WDR27: variants seen among roughly 807,000 people sequenced by gnomAD.
The protein encoded by WDR27 is WD repeat domain 27.
Under a neutral mutation model 114.4 loss-of-function variants are expected in WDR27, and 100 were observed. The observed-to-expected ratio is 0.87, with a 90% confidence interval of 0.74 to 1.03. WDR27 has a LOEUF of 1.03. Among genes scored for constraint, WDR27 ranks in the 50% least tolerant of loss-of-function variants. The pLI is 0.00. For missense variants in WDR27, 1,129 were observed against 1,092.9 expected (o/e 1.03, Z -0.47); for synonymous variants, 449 against 423.1 (o/e 1.06, Z -0.75).
chr6:169,486,304 A>T (rs1277918857), intron 25 of WDR27, among the ~76,000 whole-genome samples: 3 of 152,040 alleles, frequency 2.0e-5, no homozygotes, highest in African/African-American at 7.2e-5. Flanking sequence ...CTTAAAAGAG[A>T]GCTACCATTT....
the WDR27 span, among the ~76,000 whole-genome samples, chr6:169,433,998 G>C: frequency 2.0e-5 from 3 of 152,186 alleles, no homozygotes; most frequent in Non-Finnish European, 4.4e-5. Flanking sequence ...CCCTTTGTCA[G>C]ATGGATAGAT....
intron 18 of WDR27, 135 bp downstream of exon 18, chr6:169,638,404 C>T: frequency 6.1e-6 from 6 of 977,558 alleles, no homozygotes; most frequent in Non-Finnish European, 5.5e-6. Flanking sequence ...TAATCAGTAA[C>T]TTTTATTGCA....
At chr6:169,456,795 G>C (rs556802125), downstream of WDR27, among the ~76,000 whole-genome samples, 1 of 150,778 alleles carries the variant, frequency 6.6e-6, no homozygotes, top group Admixed American at 6.6e-5. This position sits in a 1 kb window ranked among gnomAD's most constrained non-coding sequence, Gnocchi z 4.0. Flanking sequence ...TCACCACACA[G>C]AACCCATGTG....
chr6:169,490,169 C>A (rs1255758351), intron 25 of WDR27, among the ~76,000 whole-genome samples: 1 of 152,218 alleles, frequency 6.6e-6, no homozygotes, highest in African/African-American at 2.4e-5. Flanking sequence ...GGTGTCCTGG[C>A]AAGAACTAGA....
chr6:169,618,683 G>T (rs1584629179), intron 21 of WDR27, among the ~76,000 whole-genome samples: 1 of 150,430 alleles, frequency 6.6e-6, no homozygotes, highest in African/African-American at 2.4e-5. Flanking sequence ...GGCTGAGGTG[G>T]TTACTAAGCT....
At chr6:169,653,023 G>A (rs985295960) in intron 13 of WDR27, among the ~76,000 whole-genome samples, 22 of 152,186 alleles carry the variant, frequency 1.4e-4, no homozygotes, top group African/African-American at 5.3e-4. Flanking sequence ...TCTCCTTCAC[G>A]ACAGGTTGTG....
intron 24 of WDR27, among the ~76,000 whole-genome samples, chr6:169,574,815 A>C (rs1309406305): frequency 6.6e-6 from 1 of 152,212 alleles, no homozygotes; most frequent in East Asian, 1.9e-4. Flanking sequence ...AAGGAGAGCT[A>C]GAAGGCCAAT....
intron 25 of WDR27, among the ~76,000 whole-genome samples, chr6:169,510,809 A>G (rs953068146): frequency 1.3e-5 from 2 of 152,150 alleles, no homozygotes; most frequent in Non-Finnish European, 2.9e-5. Context: ...AAAAAAAGAC[A>G]AAGTTTTCTG....
intron 2 of WDR27, among the ~76,000 whole-genome samples, chr6:169,679,412 T>C (rs1158231165): frequency 6.6e-6 from 1 of 152,222 alleles, no homozygotes; most frequent in Non-Finnish European, 1.5e-5. Context: ...ACATAAAATG[T>C]AGGGGACCAG....
intron 25 of WDR27, among the ~76,000 whole-genome samples, chr6:169,471,433 A>T (rs756047074): frequency 2.6e-5 from 4 of 152,108 alleles, no homozygotes; most frequent in East Asian, 1.9e-4. Flanking sequence ...TTATTTTTTT[A>T]AATTAAAATG....
intron 17 of WDR27, among the ~76,000 whole-genome samples, chr6:169,639,747 C>T (rs116890460): frequency 6.6e-6 from 1 of 152,192 alleles, no homozygotes; most frequent in Non-Finnish European, 1.5e-5. Context: ...GGGGCCCAGA[C>T]CCTGAGCACG....
At chr6:169,696,842 A>T (rs979467137) in intron 1 of WDR27, among the ~76,000 whole-genome samples, 51 of 152,322 alleles carry the variant, frequency 3.3e-4, no homozygotes, top group African/African-American at 1.2e-3. Flanking sequence ...TGAACCCGGG[A>T]GGCGGAGGTT....
chr6:169,594,780 T>C (rs972305174), intron 23 of WDR27, among the ~76,000 whole-genome samples: 5 of 152,266 alleles, frequency 3.3e-5, no homozygotes, highest in East Asian at 1.9e-4. Flanking sequence ...TTATCCTTTC[T>C]GGATCACTTC....
intron 25 of WDR27, among the ~76,000 whole-genome samples, chr6:169,556,242 C>G (rs1798870999): frequency 1.3e-5 from 2 of 152,154 alleles, no homozygotes; most frequent in Admixed American, 1.3e-4. Context: ...AGCCCTCAGT[C>G]CTGCAGTCAC....
intron 25 of WDR27, among the ~76,000 whole-genome samples, chr6:169,486,411 C>G (rs966288234): frequency 6.6e-6 from 1 of 152,202 alleles, no homozygotes; most frequent in Non-Finnish European, 1.5e-5. Flanking sequence ...TGTCCACCAC[C>G]CTCCTGTGGT....
intron 3 of WDR27, 163 bp downstream of exon 3, chr6:169,672,092 T>C (rs1388336952): frequency 1.6e-6 from 1 of 634,502 alleles, no homozygotes; most frequent in Non-Finnish European, 2.5e-6. Context: ...AAGCGCCTGC[T>C]TGCATGCCTG....
intron 14 of WDR27, among the ~76,000 whole-genome samples, chr6:169,650,339 A>C (rs1822026229): frequency 2.0e-5 from 2 of 100,060 alleles, no homozygotes; most frequent in African/African-American, 8.0e-5. Context: ...CCACTCATCC[A>C]TCCCTCATCT....
intron 25 of WDR27, among the ~76,000 whole-genome samples, chr6:169,514,966 C>T (rs1422161165): frequency 2.6e-5 from 4 of 151,698 alleles, no homozygotes; most frequent in Non-Finnish European, 5.9e-5. Context: ...AGAGCTTTCC[C>T]TACGAGATTG....
At chr6:169,505,985 C>T (rs571221402) in intron 25 of WDR27, among the ~76,000 whole-genome samples, 1 of 152,342 alleles carries the variant, frequency 6.6e-6, no homozygotes, top group African/African-American at 2.4e-5. Context: ...AACACATATA[C>T]CACCTAAACC....
Sources: allele counts gnomAD v4.1 joint callset (sites outside exome capture counted in the v4.1 genomes callset), GRCh38; gene constraint gnomAD v4.1.1; non-coding constraint Gnocchi (gnomAD v3.1); transcripts MANE v1.5; gene names NCBI Gene and HGNC (gene_info 2026-07-23, HGNC 2026-07-21).